NKAIN1: variants seen among roughly 807,000 people sequenced by gnomAD.
NKAIN1 encodes the protein sodium/potassium transporting ATPase interacting 1, also known as sodium/potassium-transporting ATPase subunit beta-1-interacting protein 1.
In NKAIN1, 13 loss-of-function variants were observed where a neutral mutation model predicts 31.6. The observed-to-expected ratio is 0.41, with a 90% CI of 0.27 to 0.65. NKAIN1 has a LOEUF of 0.65. NKAIN1 is among the 30% of genes least tolerant of loss of function. The pLI is 0.30. For missense variants in NKAIN1, 193 were observed against 262.2 expected, an observed-to-expected ratio of 0.74 and a Z score of 1.82; for synonymous variants, 104 against 109.0, an observed-to-expected ratio of 0.95 and a Z score of 0.28.
At chr1:31,225,033 C>CTTTTTTTTTTTTTTTTTTTT (rs1553163963) in intron 1 of NKAIN1, among the ~76,000 whole-genome samples, 1 of 112,124 alleles carries the variant, frequency 8.9e-6, no homozygotes, top group Non-Finnish European at 1.7e-5. Flanking sequence ...CTTTTCTTTT[C>CTTTTTTTTTTTTTTTTTTTT]TTTTTTTTTT....
At chr1:31,186,794 G>T (rs1462691330) in intron 2 of NKAIN1, among the ~76,000 whole-genome samples, 1 of 152,222 alleles carries the variant, frequency 6.6e-6, no homozygotes, top group Admixed American at 6.5e-5. Context: ...GAAGGAGAGG[G>T]CTGGGATGGG....
At chr1:31,191,477 G>C (rs1645285840) in intron 1 of NKAIN1, among the ~76,000 whole-genome samples, 1 of 146,118 alleles carries the variant, frequency 6.8e-6, no homozygotes, top group Non-Finnish European at 1.5e-5. Flanking sequence ...CAGCTCTGCT[G>C]TGTGACTTAG....
chr1:31,198,401 A>G (rs1645347669), intron 1 of NKAIN1, among the ~76,000 whole-genome samples: 1 of 151,962 alleles, frequency 6.6e-6, no homozygotes, highest in African/African-American at 2.4e-5. Context: ...ATATGCCCAA[A>G]CCTGGTCCAT....
chr1:31,197,495 C>T (rs1159015924), intron 1 of NKAIN1, among the ~76,000 whole-genome samples: 4 of 150,020 alleles, frequency 2.7e-5, no homozygotes, highest in Non-Finnish European at 5.9e-5. Context: ...ATTTGCCCGC[C>T]TTGGCCTCCC....
At chr1:31,194,010 G>C (rs896680871) in intron 1 of NKAIN1, 3 of 152,136 alleles carry the variant, frequency 2.0e-5, no homozygotes, top group Non-Finnish European at 4.4e-5. Flanking sequence ...TTTTTACCTA[G>C]AGAGCTGCAA....
At chr1:31,225,576 C>T (rs1387292703) in intron 1 of NKAIN1, among the ~76,000 whole-genome samples, 1 of 152,082 alleles carries the variant, frequency 6.6e-6, no homozygotes, top group Non-Finnish European at 1.5e-5. Context: ...GATCCACCCA[C>T]CATGGCCTCC....
At chr1:31,215,124 A>G (rs1645501168) in intron 1 of NKAIN1, among the ~76,000 whole-genome samples, 1 of 152,160 alleles carries the variant, frequency 6.6e-6, no homozygotes, top group Admixed American at 6.5e-5. Context: ...AGCTCCTTGT[A>G]CTGATTCTCC....
chr1:31,234,201 C>A (rs901557591), intron 1 of NKAIN1, among the ~76,000 whole-genome samples: 2 of 152,162 alleles, frequency 1.3e-5, no homozygotes, highest in Non-Finnish European at 2.9e-5. Context: ...ACAAAAGGGG[C>A]CAGTGGCCTG....
chr1:31,234,284 C>T (rs969232776), intron 1 of NKAIN1, among the ~76,000 whole-genome samples: 2 of 152,196 alleles, frequency 1.3e-5, no homozygotes, highest in African/African-American at 2.4e-5. Flanking sequence ...CAGACCCTCC[C>T]GAGGAAGCCG....
intron 1 of NKAIN1, among the ~76,000 whole-genome samples, chr1:31,224,550 G>A (rs1645587925): frequency 1.3e-5 from 2 of 152,266 alleles, no homozygotes; most frequent in South Asian, 4.1e-4. Flanking sequence ...CCAGCTAGCT[G>A]TACATACAAA....
At chr1:31,188,506 C>T in intron 1 of NKAIN1, 1 of 262,624 alleles carries the variant, frequency 3.8e-6, no homozygotes, top group Non-Finnish European at 7.3e-6. Context: ...CAGACTGCCA[C>T]CCCTAGCCTT....
At chr1:31,206,860 AGTAGCTG>A (rs1645428960) in intron 1 of NKAIN1, among the ~76,000 whole-genome samples, 1 of 152,124 alleles carries the variant, frequency 6.6e-6, no homozygotes, top group Admixed American at 6.5e-5. Context: ...CAGCCTCCTG[AGTAGCTG>A]GGACTATAGG....
At position 31,189,713 on chromosome 1, in the gene NKAIN1, G is replaced by A. The variant is rs574196148; in HGVS notation, c.55-1526C>T. On this transcript the variant is annotated intron_variant, in intron 1 of 6. Transcript: ENST00000373736. ...TTTCTGGGGTGGGCAGGTAAGCCAAGTCTAGCCAAATAATCAAAGACAATG... is the reference window on the plus strand; with the variant it reads ...TTTCTGGGGTGGGCAGGTAAGCCAAATCTAGCCAAATAATCAAAGACAATG... Among the ~76,000 whole-genome samples the A allele has an allele frequency of 2.6e-5, 4 of 152,358 alleles. No homozygotes were observed. In the South Asian group the frequency reaches 8.3e-4, roughly 32 times the overall value.
intron 2 of NKAIN1, among the ~76,000 whole-genome samples, chr1:31,185,772 A>G (rs1002974532): frequency 1.3e-5 from 2 of 152,172 alleles, no homozygotes; most frequent in South Asian, 4.1e-4. Context: ...AGGGATGTTT[A>G]AAAGGGATTG....
intron 1 of NKAIN1, among the ~76,000 whole-genome samples, chr1:31,231,542 TG>T (rs1291192288): frequency 1.3e-5 from 2 of 152,004 alleles, no homozygotes; most frequent in African/African-American, 4.8e-5. Context: ...TTGTTGTTGT[TG>T]TTTTTGAGAC....
At chr1:31,182,429 G>A (rs1645209997) in intron 5 of NKAIN1, 101 bp downstream of exon 5, 5 of 1,358,094 alleles carry the variant, frequency 3.7e-6, no homozygotes, top group South Asian at 2.5e-5. Context: ...GCCCGTGGCC[G>A]ACCCTGGGCT....
Position 31,210,120 on chromosome 1 carries a change from G to A in NKAIN1, c.55-21933C>T, listed in dbSNP as rs1295771375. 5.3e-5 allele frequency among the ~76,000 whole-genome samples: 8 copies of A among 152,056 alleles called. No individual in the cohort carries two copies. In the East Asian group the frequency reaches 1.5e-3, roughly 29 times the overall value. ...GTTCACGCCCACCAAATTCAGGGTA[G>A]AATGATGCTTTGCAGAAATGCATTA... is the stretch of plus-strand genomic sequence containing the variant. On this transcript the variant is annotated intron_variant, in intron 1 of 6. Transcript: ENST00000373736.
At chr1:31,191,400 G>GTT (rs34521416) in intron 1 of NKAIN1, among the ~76,000 whole-genome samples, 294 of 134,084 alleles carry the variant, frequency 2.2e-3, no homozygotes, top group Non-Finnish European at 2.9e-3. Flanking sequence ...ACAGAGAGAG[G>GTT]TTTTTTTTTT....
intron 2 of NKAIN1, among the ~76,000 whole-genome samples, chr1:31,186,126 GCCAAGGTGGGC>G (rs1283369693): frequency 2.0e-5 from 3 of 151,786 alleles, no homozygotes; most frequent in Non-Finnish European, 2.9e-5. Flanking sequence ...ACTTTGGGAG[GCCAAGGTGGGC>G]AGATCACCTG....
Sources: allele counts gnomAD v4.1 joint callset (sites outside exome capture counted in the v4.1 genomes callset), GRCh38; gene constraint gnomAD v4.1.1; transcripts MANE v1.5; gene names NCBI Gene and HGNC (gene_info 2026-07-23, HGNC 2026-07-21).